TMPRSS11D: variants seen among roughly 807,000 people sequenced by gnomAD.
The protein encoded by TMPRSS11D is transmembrane protease serine 11D.
In TMPRSS11D, 32 loss-of-function variants were observed where a neutral mutation model predicts 44.4. The ratio of observed to expected loss-of-function variants is 0.72; its 90% CI spans 0.54 to 0.97. The LOEUF (loss-of-function observed/expected upper bound fraction) is 0.97. Among genes scored for constraint, TMPRSS11D ranks in the 50% least tolerant of loss-of-function variants. The probability of loss-of-function intolerance (pLI) is 0.00; values close to 1 mark genes in which losing one functional copy is unlikely to be tolerated. For missense variants in TMPRSS11D, 446 were observed against 502.6 expected (o/e 0.89, Z 1.08); for synonymous variants, 179 against 177.9 (o/e 1.01, Z -0.05).
intron 3 of TMPRSS11D, among the ~76,000 whole-genome samples, chr4:67,850,747 G>A (rs718591): frequency 0.16 from 23,843 of 152,178 alleles, 1,966 homozygotes; most frequent in African/African-American, 0.19. Flanking sequence ...GTGCACTTGC[G>A]TGTGTGCCTT....
rs1452910762 is a variant in TMPRSS11D at position 67,875,673 on chromosome 4, T to C, written c.8+8253A>G. ...TCCCATTTCTGCCATTTATTTGCTG[T>C]GTGAACCTGGGAAGTCACCTAACTC... On this transcript the variant is annotated intron_variant, in intron 1 of 9. Coordinates refer to ENST00000283916, the MANE Select transcript of TMPRSS11D (RefSeq NM_004262.3). Among the ~76,000 whole-genome samples, 3 of 152,252 alleles carry C rather than the reference T, an allele frequency of 2.0e-5. No homozygotes were observed. In the East Asian group the frequency reaches 5.8e-4, roughly 29 times the overall value.
intron 2 of TMPRSS11D, among the ~76,000 whole-genome samples, chr4:67,854,796 T>G (rs185319985): frequency 6.6e-6 from 1 of 152,210 alleles, no homozygotes; most frequent in African/African-American, 2.4e-5. Flanking sequence ...AATAAATAAA[T>G]GTCCAGGACC....
intron 1 of TMPRSS11D, among the ~76,000 whole-genome samples, chr4:67,867,480 ATACT>A (rs1055227317): frequency 3.9e-5 from 6 of 152,118 alleles, no homozygotes; most frequent in Non-Finnish European, 7.4e-5. Context: ...TAGACAAATG[ATACT>A]TACTTAAACT....
At chr4:67,872,386 T>C (rs1719080382) in intron 1 of TMPRSS11D, among the ~76,000 whole-genome samples, 1 of 152,168 alleles carries the variant, frequency 6.6e-6, no homozygotes, top group Non-Finnish European at 1.5e-5. Context: ...CTGGCTACCG[T>C]AAATTATAAA....
chr4:67,865,983 G>A (rs918735847), intron 1 of TMPRSS11D, among the ~76,000 whole-genome samples: 8 of 151,820 alleles, frequency 5.3e-5, no homozygotes, highest in Non-Finnish European at 8.8e-5. Flanking sequence ...GAATCTTTCC[G>A]AACTCATTCT....
At chr4:67,850,507 A>G (rs1718477327) in intron 3 of TMPRSS11D, among the ~76,000 whole-genome samples, 2 of 152,104 alleles carry the variant, frequency 1.3e-5, no homozygotes, top group Non-Finnish European at 2.9e-5. Context: ...GGTGGGGGGA[A>G]GGAAGTCCAA....
At chr4:67,842,140 A>G (rs1718246715) in intron 4 of TMPRSS11D, among the ~76,000 whole-genome samples, 1 of 152,206 alleles carries the variant, frequency 6.6e-6, no homozygotes, top group South Asian at 2.1e-4. Context: ...CATCAGGCAG[A>G]TAAAACCAAA....
rs528831375 is a variant in TMPRSS11D, at chr4:67,882,257, AAATTACCTAC to A, written c.8+1659_8+1668del. ...TGAAGATTTATCTAAAATTATGCCA[AAATTACCTAC>A]AATTACCTAAAAAAAGTATATTGTA... On this transcript the variant is annotated intron_variant, in intron 1 of 9. Coordinates refer to ENST00000283916, the MANE Select transcript of TMPRSS11D (RefSeq NM_004262.3). Among the ~76,000 whole-genome samples, 488 of 152,352 alleles carry A rather than the reference AAATTACCTAC, an allele frequency of 3.2e-3. 4 individuals are homozygous for A. Among genetic ancestry groups the A allele is most frequent in the African/African-American group, 0.011 (457 of 41,590 alleles).
chr4:67,826,381 A>G (rs1360471954), intron 8 of TMPRSS11D, among the ~76,000 whole-genome samples: 1 of 152,134 alleles, frequency 6.6e-6, no homozygotes. Flanking sequence ...AATGTGTTCT[A>G]GGACTATTAA....
At chr4:67,845,690 A>C (rs142796542) in intron 3 of TMPRSS11D, among the ~76,000 whole-genome samples, 1,635 of 152,298 alleles carry the variant, frequency 0.011, 30 homozygotes, top group African/African-American at 0.037. Context: ...AACTGAGTAA[A>C]CATTGAAAAA....
chr4:67,842,417 T>C (rs948210723), intron 4 of TMPRSS11D, 141 bp downstream of exon 4: 42 of 784,554 alleles, frequency 5.4e-5, no homozygotes, highest in Non-Finnish European at 8.2e-5. Context: ...TTGGCATTGG[T>C]TTTTAAGCTG....
At chr4:67,835,454 T>A (rs1201181551) in intron 5 of TMPRSS11D, among the ~76,000 whole-genome samples, 3 of 152,168 alleles carry the variant, frequency 2.0e-5, no homozygotes, top group Non-Finnish European at 4.4e-5. Context: ...CATAAGCAAG[T>A]CATTGAGATG....
At chr4:67,836,511 A>T (rs528960469) in intron 5 of TMPRSS11D, among the ~76,000 whole-genome samples, 1 of 152,328 alleles carries the variant, frequency 6.6e-6, no homozygotes, top group Non-Finnish European at 1.5e-5. Context: ...GAGCCAAATC[A>T]TACTTCTGGA....
In TMPRSS11D at chr4:67,841,431, C is replaced by G. The variant is rs561391606; in HGVS notation, c.317+1127G>C. Among the ~76,000 whole-genome samples, 7 of 152,260 alleles carry G rather than the reference C, an allele frequency of 4.6e-5. 1 individual carries two copies. The East Asian group carries it at 1.2e-3, about 25-fold the overall frequency. On this transcript the variant is annotated intron_variant, in intron 4 of 9. Transcript: ENST00000283916. ...TAGTCCTATTTCAAGGAGTGACAGG[C>G]CAACAGGACCAAATACTGTTGAAAG...
rs576221674 is a variant in TMPRSS11D, at chr4:67,822,469, T to C, written c.1125A>G (p.Glu375=). ...QGDSGGPLVQ[E]DSRRLWFIVG... ...CAATAAACCAAAGCCGCCGTGAGTC[T>C]TCTTGTACTAGTGGGCCACCAGAGT... Residue 375 remains glutamate, a synonymous_variant, in exon 10 of 10, where the codon GAA becomes GAG. Coordinates refer to ENST00000283916, the MANE Select transcript of TMPRSS11D (RefSeq NM_004262.3). The C allele has an allele frequency of 3.5e-5, 57 of 1,613,884 alleles. No homozygotes were observed. Among genetic ancestry groups the C allele is most frequent in the East Asian group, 1.8e-4 (8 of 44,866 alleles).
chr4:67,861,198 A>G (rs1281501329), intron 1 of TMPRSS11D, among the ~76,000 whole-genome samples: 1 of 152,126 alleles, frequency 6.6e-6, no homozygotes, highest in Non-Finnish European at 1.5e-5. Flanking sequence ...CACTAGTGAA[A>G]ACTGGCTTTC....
intron 5 of TMPRSS11D, 72 bp downstream of exon 5, chr4:67,838,100 A>C (rs1718141523): frequency 7.8e-7 from 1 of 1,281,332 alleles, no homozygotes; most frequent in African/African-American, 1.6e-5. Context: ...CCTCTCAATT[A>C]AAATATGAAT....
intron 3 of TMPRSS11D, among the ~76,000 whole-genome samples, chr4:67,844,966 A>T (rs1718324190): frequency 6.6e-6 from 1 of 152,196 alleles, no homozygotes; most frequent in Non-Finnish European, 1.5e-5. Flanking sequence ...ATTTTACTTG[A>T]CTTTAATCGA....
intron 3 of TMPRSS11D, among the ~76,000 whole-genome samples, chr4:67,851,050 G>C (rs1369678415): frequency 6.6e-6 from 1 of 152,152 alleles, no homozygotes; most frequent in East Asian, 1.9e-4. Flanking sequence ...GGCTATTTCT[G>C]CTGCCCCAGA....
Sources: gnomAD v4.1 joint callset for allele counts (sites outside exome capture counted in the v4.1 genomes callset) on GRCh38, gnomAD v4.1.1 for gene constraint, MANE v1.5 for transcripts, NCBI Gene and HGNC (gene_info 2026-07-23, HGNC 2026-07-21) for gene names.